Variants in CUX1 observed in about 807,000 individuals in gnomAD.
CUX1 encodes the protein protein CASP.
CUX1 carries 31 observed loss-of-function variants against 158.8 expected under a neutral mutation model. The ratio of observed to expected loss-of-function variants is 0.20; its 90% confidence interval spans 0.15 to 0.26. The LOEUF (loss-of-function observed/expected upper bound fraction) is 0.26, where lower values mean the gene tolerates loss of function less well. Ranked by LOEUF, CUX1 falls within the 10% of genes least tolerant of loss-of-function variation. CUX1 has a pLI of 1.00. For synonymous variants in CUX1, 879 were observed against 862.1 expected (o/e 1.02, Z -0.34); for missense variants, 1,589 against 2,014.6 (o/e 0.79, Z 4.04).
At chr7:102,130,946 C>G (rs113404215) in intron 8 of CUX1, among the ~76,000 whole-genome samples, 12,523 of 151,856 alleles carry the variant, frequency 0.082, 685 homozygotes, top group African/African-American at 0.14. Flanking sequence ...GTCAGGAGTT[C>G]AAGACCGGCC....
At position 101,865,564 on chromosome 7, in the gene CUX1, C is replaced by A. The variant is rs756516771; in HGVS notation, c.30+47895C>A. Among the ~76,000 whole-genome samples the A allele has an allele frequency of 3.3e-5, 5 of 152,118 alleles. No homozygotes were observed. The South Asian group carries it at 1.0e-3, about 32-fold the overall frequency. On this transcript the variant is annotated intron_variant, in intron 1 of 23. Transcript: ENST00000292535. The stretch of plus-strand genomic sequence containing the variant: ...ATTGTTGTCAAATGACAAGGGAGTC[C>A]CCTGTCAGAGAGCAATGACACAGCC...
intron 1 of CUX1, among the ~76,000 whole-genome samples, chr7:101,862,392 T>C (rs1226062925): frequency 6.6e-6 from 1 of 152,082 alleles, no homozygotes; most frequent in East Asian, 1.9e-4. Context: ...CGCTGTGCAG[T>C]TGGCTTTACG....
chr7:101,862,659 C>T (rs1341826275), intron 1 of CUX1, among the ~76,000 whole-genome samples: 3 of 152,052 alleles, frequency 2.0e-5, no homozygotes, highest in Non-Finnish European at 4.4e-5. Flanking sequence ...CATCGAGGGA[C>T]ATATTAAACC....
chr7:102,220,181 C>A (rs1218855979), intron 20 of CUX1, among the ~76,000 whole-genome samples: 2 of 152,034 alleles, frequency 1.3e-5, no homozygotes, highest in African/African-American at 4.8e-5. Flanking sequence ...GCCAACATGG[C>A]GAAATCCCAT....
intron 2 of CUX1, among the ~76,000 whole-genome samples, chr7:101,976,729 G>A (rs1386565973): frequency 6.6e-6 from 1 of 152,058 alleles, no homozygotes; most frequent in Non-Finnish European, 1.5e-5. Flanking sequence ...GATCCAGTGC[G>A]TCTCATTATA....
intron 2 of CUX1, among the ~76,000 whole-genome samples, chr7:101,919,210 G>T (rs879320508): frequency 9.4e-5 from 14 of 148,876 alleles, no homozygotes; most frequent in Admixed American, 4.0e-4. Context: ...GTGTGTGTGT[G>T]GGGGGGGAGC....
chr7:102,215,305 C>T (rs1554524250), intron 20 of CUX1, among the ~76,000 whole-genome samples: 3 of 139,878 alleles, frequency 2.1e-5, no homozygotes, highest in Non-Finnish European at 4.5e-5. Flanking sequence ...TGGGTTAGTG[C>T]AGGGACTCCC....
intron 14 of CUX1, among the ~76,000 whole-genome samples, chr7:102,265,596 G>A (rs117385362): frequency 0.036 from 5,503 of 151,664 alleles, 127 homozygotes; most frequent in Non-Finnish European, 0.049. Context: ...CACCACACAC[G>A]GCTAATATTT....
chr7:101,839,442 G>A (rs1223504809), intron 1 of CUX1, among the ~76,000 whole-genome samples: 1 of 152,148 alleles, frequency 6.6e-6, no homozygotes, highest in African/African-American at 2.4e-5. Context: ...CAGCGTGGCT[G>A]CCCCACTTAC....
At chr7:102,125,231 C>G (rs755144291) in intron 8 of CUX1, among the ~76,000 whole-genome samples, 1 of 152,186 alleles carries the variant, frequency 6.6e-6, no homozygotes, top group Non-Finnish European at 1.5e-5. Context: ...CAGAGCTGAA[C>G]GGCCTCTGTA....
At chr7:102,154,111 T>C (rs1203692774) in intron 8 of CUX1, 1 of 151,626 alleles carries the variant, frequency 6.6e-6, no homozygotes. Flanking sequence ...GAGACCAGCC[T>C]GGCAACATAG....
intron 2 of CUX1, among the ~76,000 whole-genome samples, chr7:102,025,486 GGT>G (rs1819898267): frequency 6.6e-6 from 1 of 151,910 alleles, no homozygotes; most frequent in Admixed American, 6.6e-5. Flanking sequence ...AAACTAGCCG[GGT>G]GTGGTGGCGC....
At chr7:102,106,079 CTTTTTTTT>C (rs782580660) in intron 6 of CUX1, among the ~76,000 whole-genome samples, 6 of 72,270 alleles carry the variant, frequency 8.3e-5, no homozygotes, top group Non-Finnish European at 1.5e-4. Flanking sequence ...TTTCTTTTTT[CTTTTTTTT>C]TTTTTTTTTT....
intron 7 of CUX1, among the ~76,000 whole-genome samples, chr7:102,114,332 G>A (rs1466849366): frequency 6.6e-6 from 1 of 152,192 alleles, no homozygotes; most frequent in Non-Finnish European, 1.5e-5. Flanking sequence ...CTGGAGTGCA[G>A]TGGCATGATC....
Position 102,253,853 on chromosome 7 carries a change from G to A in CUX1, c.*4811G>A. ...CTGTGGTACTTTAGGCTGGAGGTTTGGCTCCTGTGCTGCCGGTGGGGGGCC... is the reference window on the plus strand; with the variant it reads ...CTGTGGTACTTTAGGCTGGAGGTTTAGCTCCTGTGCTGCCGGTGGGGGGCC... On this transcript the variant is annotated 3_prime_UTR_variant, in exon 24 of 24. Coordinates refer to ENST00000292535, the MANE Select transcript of CUX1 (RefSeq NM_181552.4). 1.0e-6 allele frequency: 1 copy of A among 985,906 alleles called. No homozygotes were observed. The highest frequency in any genetic ancestry group is 5.2e-4 in the Middle Eastern group (1 of 1,920). 61.1% of individuals were successfully genotyped at this position (985,906 alleles called of 1,614,324 possible).
intron 9 of CUX1, among the ~76,000 whole-genome samples, chr7:102,162,507 G>A (rs183107668): frequency 1.3e-5 from 2 of 151,906 alleles, no homozygotes; most frequent in Non-Finnish European, 2.9e-5. Context: ...CCCATCCTGG[G>A]TTCAAGCGAT....
intron 2 of CUX1, among the ~76,000 whole-genome samples, chr7:101,997,176 A>C (rs1467507057): frequency 2.0e-5 from 3 of 151,830 alleles, no homozygotes; most frequent in Non-Finnish European, 4.4e-5. Flanking sequence ...CTAGCTGTGG[A>C]CCGAAGACAA....
At chr7:101,839,643 G>A (rs914944245) in intron 1 of CUX1, among the ~76,000 whole-genome samples, 3 of 150,980 alleles carry the variant, frequency 2.0e-5, no homozygotes, top group Admixed American at 6.6e-5. Context: ...TTCGCCTTTT[G>A]TAAATTGTCT....
intron 2 of CUX1, among the ~76,000 whole-genome samples, chr7:101,943,103 T>TA (rs1491402664): frequency 1.0e-5 from 1 of 96,652 alleles, no homozygotes; most frequent in Non-Finnish European, 2.3e-5. Context: ...TTTTTTTTTT[T>TA]ACTTTTTCTT....
Sources: gnomAD v4.1 joint callset for allele counts (sites outside exome capture counted in the v4.1 genomes callset) on GRCh38, gnomAD v4.1.1 for gene constraint, MANE v1.5 for transcripts, NCBI Gene and HGNC (gene_info 2026-07-23, HGNC 2026-07-21) for gene names.